The following ZGRF1 variants were observed in gnomAD, a reference collection of about 807,000 sequenced individuals.
The protein encoded by ZGRF1 is 5'-3' DNA helicase ZGRF1.
Under a neutral mutation model 203.5 loss-of-function variants are expected in ZGRF1, and 196 were observed. The ratio of observed to expected loss-of-function variants is 0.96; its 90% CI spans 0.86 to 1.08. The LOEUF is 1.08. Among genes scored for constraint, ZGRF1 ranks in the 50% least tolerant of loss-of-function variants. ZGRF1 has a pLI of 0.00. For missense variants in ZGRF1, 2,326 were observed against 2,416.3 expected (o/e 0.96, Z 0.78); for synonymous variants, 809 against 841.3 (o/e 0.96, Z 0.66).
At chr4:112,573,446 G>C (rs1159120462) in intron 16 of ZGRF1, among the ~76,000 whole-genome samples, 1 of 152,014 alleles carries the variant, frequency 6.6e-6, no homozygotes, top group Non-Finnish European at 1.5e-5. Flanking sequence ...CTACAAATTT[G>C]ATACGGTGTA....
intron 1 of ZGRF1, among the ~76,000 whole-genome samples, chr4:112,635,248 T>A (rs2047555955): frequency 6.6e-6 from 1 of 151,338 alleles, no homozygotes; most frequent in Non-Finnish European, 1.5e-5. Context: ...AGAAAAACAC[T>A]CCTGGGCTAG....
intron 11 of ZGRF1, among the ~76,000 whole-genome samples, chr4:112,589,092 T>C (rs1747712306): frequency 6.6e-6 from 1 of 152,100 alleles, no homozygotes; most frequent in Admixed American, 6.6e-5. Flanking sequence ...ATCAAAAAAC[T>C]ATCTACAACT....
rs1370783315 is a variant in ZGRF1 at position 112,562,480 on chromosome 4, C to A, written c.4588G>T (p.Val1530Phe). 6 of 1,584,464 alleles carry A rather than the reference C, an allele frequency of 3.8e-6. No homozygotes were observed. The highest frequency in any genetic ancestry group is 1.1e-5 in the South Asian group (1 of 89,010). ...FPSNWPTNMV[V>F]HALLVCNAST... ...GCATTACAAACCAATAACGCATGGACAACCACTGTACAGAGGATGCAGAAA... is the reference window on the plus strand; with the variant it reads ...GCATTACAAACCAATAACGCATGGAAAACCACTGTACAGAGGATGCAGAAA... The change falls in exon 18 of 28, where the codon GTC becomes TTC. Residue 1530 changes from valine to phenylalanine, a missense_variant. Physicochemically the swap from Val to Phe is conservative, Grantham distance 50. Transcript: ENST00000505019.
At chr4:112,624,226 T>C (rs1330323453) in intron 3 of ZGRF1, among the ~76,000 whole-genome samples, 2 of 150,856 alleles carry the variant, frequency 1.3e-5, no homozygotes, top group Non-Finnish European at 2.9e-5. Flanking sequence ...AGAATGAAAC[T>C]GGGAAGAGGC....
At chr4:112,552,907 T>C (rs1294039762) in intron 22 of ZGRF1, among the ~76,000 whole-genome samples, 1 of 152,214 alleles carries the variant, frequency 6.6e-6, no homozygotes, top group African/African-American at 2.4e-5. Flanking sequence ...CTGTGATCTG[T>C]CCTGCCCTCT....
chr4:112,618,331 A>G lies in ZGRF1; in HGVS notation c.1711T>C (p.Cys571Arg). 1 of 1,613,902 alleles carries G rather than the reference A, an allele frequency of 6.2e-7. No homozygotes were observed. Among genetic ancestry groups the G allele is most frequent in the South Asian group, 1.1e-5 (1 of 91,024 alleles). ...GTATTCTCAGACCTCTTTTGAAAAC[A>G]TGAATTGCCATCATTAACCAAAATG... Reference protein sequence around the residue: ...KDILVNDGNSCFQKRSENTNC... With the variant: ...KDILVNDGNSRFQKRSENTNC... The change falls in exon 6 of 28, where the codon TGT becomes CGT. Residue 571 changes from cysteine to arginine, a missense_variant. Transcript: ENST00000505019.
In ZGRF1 at chr4:112,619,627, C is replaced by T. The variant is rs1308722895; in HGVS notation, c.415G>A (p.Ala139Thr). The part of the protein sequence containing the change: ...MVIMESGESA[A>T]SHEAKKTGPT... Reference sequence around the variant, plus strand: ...CCAGTTTTCTTAGCCTCATGTGATGCAGCTGATTCACCACTTTCCATAATA... The same window carrying T: ...CCAGTTTTCTTAGCCTCATGTGATGTAGCTGATTCACCACTTTCCATAATA... Residue 139 changes from alanine to threonine, a missense_variant, in exon 6 of 28, where the codon GCA (alanine) becomes ACA (threonine). By Grantham distance (58) the Ala-to-Thr change is moderately conservative (BLOSUM62 0). Transcript: ENST00000505019. 6.2e-7 allele frequency: 1 copy of T among 1,613,614 alleles called. No homozygotes were observed. The highest frequency in any genetic ancestry group is 8.5e-7 in the Non-Finnish European group (1 of 1,179,850).
chr4:112,559,100 A>G (rs1318895255), intron 19 of ZGRF1, among the ~76,000 whole-genome samples: 2 of 152,246 alleles, frequency 1.3e-5, no homozygotes, highest in Non-Finnish European at 2.9e-5. Flanking sequence ...CACAGGGGTA[A>G]ATCACAAAAG....
At position 112,617,979 on chromosome 4, in the gene ZGRF1, T is replaced by C; in HGVS notation, c.2063A>G (p.Asn688Ser). ...GTTTTGAATATGAGGAATATGTAAA[T>C]TCATGTTTATACCTTTAGATTTATT... ...PPNKSKGINM[N>S]LHIPHIQNQI... Residue 688 changes from asparagine (N) to serine (S), a missense_variant, in exon 6 of 28, where the codon AAT (asparagine) becomes AGT (serine). Transcript: ENST00000505019. 1 of 1,612,942 alleles carries C rather than the reference T, an allele frequency of 6.2e-7. No homozygotes were observed. Among genetic ancestry groups the C allele is most frequent in the Admixed American group, 1.7e-5 (1 of 60,010 alleles).
intron 23 of ZGRF1, 101 bp downstream of exon 23, chr4:112,548,152 G>T: frequency 9.9e-7 from 1 of 1,013,428 alleles, no homozygotes; most frequent in Non-Finnish European, 1.4e-6. Context: ...TGTTGTCCAA[G>T]CTGGTCGCAA....
chr4:112,558,951 A>G (rs997677747), intron 19 of ZGRF1, among the ~76,000 whole-genome samples: 7 of 152,226 alleles, frequency 4.6e-5, no homozygotes, highest in African/African-American at 1.7e-4. Flanking sequence ...AGTAGAACTA[A>G]GACTTCCAGA....
intron 16 of ZGRF1, among the ~76,000 whole-genome samples, chr4:112,570,211 A>C (rs192899319): frequency 6.6e-6 from 1 of 152,302 alleles, no homozygotes; most frequent in Admixed American, 6.5e-5. Flanking sequence ...CAATTAGAGA[A>C]AATGTATTTC....
At chr4:112,621,347 G>A (rs1485235926) in intron 4 of ZGRF1, among the ~76,000 whole-genome samples, 4 of 152,048 alleles carry the variant, frequency 2.6e-5, no homozygotes, top group Non-Finnish European at 5.9e-5. Context: ...ACCTCTGACT[G>A]CAGCATAAAA....
intron 24 of ZGRF1, among the ~76,000 whole-genome samples, chr4:112,541,543 T>G (rs957537829): frequency 4.6e-4 from 70 of 150,900 alleles, no homozygotes; most frequent in East Asian, 2.3e-3. Context: ...TGTTTTTTTT[T>G]TTTTTGAGAT....
Position 112,587,843 on chromosome 4 carries a change from G to C in ZGRF1, c.3214C>G (p.Pro1072Ala). 1 of 1,551,254 alleles carries C rather than the reference G, an allele frequency of 6.4e-7. No homozygotes were observed. Among genetic ancestry groups the C allele is most frequent in the Non-Finnish European group, 8.7e-7 (1 of 1,146,740 alleles). The change falls in exon 12 of 28, where the codon CCA becomes GCA. Residue 1072 changes from proline (P) to alanine (A), a missense_variant. By Grantham distance (27) the Pro-to-Ala change is conservative. Transcript: ENST00000505019. ...AAGTCAGGTGGCCCATCAGTACGTG[G>C]CAAAGTAATAAGTGGAACCTGGGTT... is the stretch of plus-strand genomic sequence containing the variant. Reference protein sequence around the residue: ...SRTQVPLITLPRTDGPPDLDS... With the variant: ...SRTQVPLITLARTDGPPDLDS...
Position 112,620,036 on chromosome 4 carries a change from C to G in ZGRF1, c.317G>C (p.Gly106Ala). 2 of 1,604,598 alleles carry G rather than the reference C, an allele frequency of 1.2e-6. No individual in the cohort carries two copies. The highest frequency in any genetic ancestry group is 1.7e-6 in the Non-Finnish European group (2 of 1,176,690). ...CCTTTTTAAGCCAGAGGGCTGACATCCAAGAGATCGGCCAGAGGATATAAA... is the reference window on the plus strand; with the variant it reads ...CCTTTTTAAGCCAGAGGGCTGACATGCAAGAGATCGGCCAGAGGATATAAA... The part of the protein sequence containing the change: ...RTFISSGRSL[G>A]CQPSGLKRKF... The change falls in exon 5 of 28, where the codon GGA becomes GCA. Residue 106 changes from glycine (G) to alanine (A), a missense_variant. Coordinates refer to ENST00000505019, the MANE Select transcript of ZGRF1 (RefSeq NM_018392.5).
intron 24 of ZGRF1, 25 bp from the exon 25 acceptor site, chr4:112,541,293 TAAAAC>T (rs890407080): frequency 7.2e-7 from 1 of 1,394,922 alleles, no homozygotes; most frequent in Non-Finnish European, 9.7e-7. Flanking sequence ...TGAAGAAAAA[TAAAAC>T]ATAATTTTTT....
intron 1 of ZGRF1, among the ~76,000 whole-genome samples, 194 bp from the exon 2 acceptor site, chr4:112,633,436 T>G (rs924396184): frequency 5.3e-5 from 8 of 152,212 alleles, no homozygotes; most frequent in Admixed American, 5.2e-4. Flanking sequence ...AAACAAGCAT[T>G]TTTTCATAAG....
chr4:112,635,959 G>A (rs975458699), intron 1 of ZGRF1, among the ~76,000 whole-genome samples: 11 of 151,306 alleles, frequency 7.3e-5, no homozygotes, highest in Non-Finnish European at 1.6e-4. Flanking sequence ...TCGATTATAG[G>A]AGAAAACCTA....
Sources: allele counts gnomAD v4.1 joint callset (sites outside exome capture counted in the v4.1 genomes callset), GRCh38; gene constraint gnomAD v4.1.1; transcripts MANE v1.5; gene names NCBI Gene and HGNC (gene_info 2026-07-23, HGNC 2026-07-21).